The following GANC variants were observed in gnomAD, a reference collection of about 807,000 sequenced individuals.
GANC encodes glucosidase alpha, neutral C, also known as neutral alpha-glucosidase C.
A neutral mutation model predicts 124.2 loss-of-function variants in GANC; 117 were observed. The ratio of observed to expected loss-of-function variants is 0.94; its 90% CI spans 0.81 to 1.10. GANC has a LOEUF of 1.10. Ranked by LOEUF, GANC falls within the 50% of genes least tolerant of loss-of-function variation. The pLI is 0.00. For missense variants in GANC, 1,140 were observed against 1,095.0 expected (o/e 1.04, Z -0.58); for synonymous variants, 377 against 376.8 (o/e 1.00, Z -0.01).
intron 6 of GANC, among the ~76,000 whole-genome samples, chr15:42,298,133 A>G (rs1397184638): frequency 6.6e-6 from 1 of 152,190 alleles, no homozygotes; most frequent in African/African-American, 2.4e-5. Flanking sequence ...CACAAGTCAA[A>G]AAGTTGTATA....
chr15:42,338,286 T>A (rs1380403700), intron 15 of GANC, 103 bp from the exon 16 acceptor site: 9 of 638,622 alleles, frequency 1.4e-5, no homozygotes, highest in Non-Finnish European at 2.3e-5. Context: ...AGAAATTGGT[T>A]TTCCTTTTCA....
intron 21 of GANC, 26 bp downstream of exon 21, chr15:42,348,242 T>G (rs1475267694): frequency 7.0e-7 from 1 of 1,424,332 alleles, no homozygotes; most frequent in South Asian, 1.2e-5. Context: ...GTTACTCATT[T>G]TGTTTCTACT....
intron 4 of GANC, among the ~76,000 whole-genome samples, chr15:42,292,023 T>A (rs1291234341): frequency 6.6e-6 from 1 of 152,104 alleles, no homozygotes; most frequent in Non-Finnish European, 1.5e-5. Flanking sequence ...CTGTGAACAT[T>A]TACTGGGGAC....
chr15:42,321,561 T>A (rs2052157113), intron 10 of GANC, among the ~76,000 whole-genome samples: 1 of 152,248 alleles, frequency 6.6e-6, no homozygotes, highest in Non-Finnish European at 1.5e-5. Flanking sequence ...ACTAAACTGA[T>A]GCTTAACCTG....
At chr15:42,328,958 CA>C (rs2052218980) in intron 13 of GANC, among the ~76,000 whole-genome samples, 1 of 152,150 alleles carries the variant, frequency 6.6e-6, no homozygotes, top group African/African-American at 2.4e-5. Context: ...AGAAGGAGCC[CA>C]ATTGTGAACA....
intron 8 of GANC, among the ~76,000 whole-genome samples, chr15:42,309,209 G>A (rs7169553): frequency 0.92 from 140,002 of 152,252 alleles, 65,435 homozygotes; most frequent in Non-Finnish European, 1. Context: ...AGGCACAGTG[G>A]CAAGTCCAGC....
chr15:42,342,225 G>C (rs556324236), intron 18 of GANC, among the ~76,000 whole-genome samples: 2 of 152,314 alleles, frequency 1.3e-5, no homozygotes, highest in South Asian at 4.1e-4. Context: ...AAAGTAGTAA[G>C]TGGGTGAATT....
At chr15:42,318,884 A>G (rs12437815) in intron 10 of GANC, among the ~76,000 whole-genome samples, 138,549 of 152,224 alleles carry the variant, frequency 0.91, 64,400 homozygotes, top group Non-Finnish European at 1. Flanking sequence ...GTGAGCCACC[A>G]TGCCTGGCCC....
Position 42,329,293 on chromosome 15 carries a change from G to T in GANC, c.1501-13G>T. 2.5e-6 allele frequency: 4 copies of T among 1,608,196 alleles called. No homozygotes were observed. Among genetic ancestry groups the T allele is most frequent in the Non-Finnish European group, 3.4e-6 (4 of 1,177,744 alleles). On this transcript the variant is annotated splice_polypyrimidine_tract_variant and intron_variant, in intron 13 of 23. Coordinates refer to ENST00000318010, the MANE Select transcript of GANC (RefSeq NM_198141.3). Reference sequence around the variant, plus strand: ...TCAATGTAGGAGTGTCATGACCAAGGTTTACTTCCTAGGGATCTACGGACA... The same window carrying T: ...TCAATGTAGGAGTGTCATGACCAAGTTTTACTTCCTAGGGATCTACGGACA...
At chr15:42,298,971 A>G (rs1253531315) in intron 6 of GANC, among the ~76,000 whole-genome samples, 1 of 152,144 alleles carries the variant, frequency 6.6e-6, no homozygotes, top group Non-Finnish European at 1.5e-5. Flanking sequence ...GGCTGAGATG[A>G]TGGGGTTTTC....
intron 10 of GANC, among the ~76,000 whole-genome samples, chr15:42,315,691 T>C (rs758489007): frequency 6.6e-6 from 1 of 152,224 alleles, no homozygotes; most frequent in African/African-American, 2.4e-5. Context: ...TCTAGATGTC[T>C]CTGTGAAAGT....
At chr15:42,306,455 TA>T (rs1472242537) in intron 6 of GANC, 90 bp from the exon 7 acceptor site, 6 of 1,031,020 alleles carry the variant, frequency 5.8e-6, no homozygotes, top group South Asian at 4.6e-5. Context: ...CTCAGTCTTT[TA>T]AAAAAATAAT....
intron 4 of GANC, among the ~76,000 whole-genome samples, chr15:42,291,532 T>A (rs1473399410): frequency 1.3e-5 from 2 of 152,170 alleles, no homozygotes; most frequent in Non-Finnish European, 2.9e-5. Flanking sequence ...CCCCCTTCAC[T>A]GAGAAACTGA....
At chr15:42,350,022 CTTTTTT>C (rs753077889) in intron 22 of GANC, among the ~76,000 whole-genome samples, 14 of 75,040 alleles carry the variant, frequency 1.9e-4, no homozygotes, top group African/African-American at 4.0e-4. Flanking sequence ...CTTTCCCCCA[CTTTTTT>C]TTTTTTTTTT....
chr15:42,300,067 GATGAA>G (rs2051930950), intron 6 of GANC, among the ~76,000 whole-genome samples: 1 of 152,194 alleles, frequency 6.6e-6, no homozygotes, highest in Non-Finnish European at 1.5e-5. Context: ...AAGACTTCGT[GATGAA>G]AGCGCCAAAA....
Position 42,351,339 on chromosome 15 carries a change from C to T in GANC, c.2542C>T (p.Gln848Ter), listed in dbSNP as rs765787880. 1.2e-6 allele frequency: 2 copies of T among 1,613,536 alleles called. No individual in the cohort carries two copies. The highest frequency in any genetic ancestry group is 1.7e-6 in the Non-Finnish European group (2 of 1,179,574). ...TTGTATCTATTCCAGTTTTGCTGACCAGAGGGGTCATTATCCCAGCAAGTG... is the reference window on the plus strand; with the variant it reads ...TTGTATCTATTCCAGTTTTGCTGACTAGAGGGGTCATTATCCCAGCAAGTG... ...SSVLINSFAD[Q>*]RGHYPSKCVV... The change falls in exon 23 of 24, where the codon CAG becomes TAG. Residue 848 changes from glutamine to a stop codon, truncating the protein, a stop_gained. Transcript: ENST00000318010. LOFTEE classifies it high-confidence loss of function.
intron 14 of GANC, among the ~76,000 whole-genome samples, chr15:42,330,329 A>G (rs1457563305): frequency 6.6e-6 from 1 of 152,218 alleles, no homozygotes; most frequent in Non-Finnish European, 1.5e-5. Context: ...TAAGCACCAA[A>G]GAAATGCTAG....
chr15:42,274,634 G>A, intron 1 of GANC, 124 bp downstream of exon 1: 2 of 983,820 alleles, frequency 2.0e-6, no homozygotes, highest in African/African-American at 1.7e-5. Context: ...CTCTCAATTC[G>A]CGGGAAGTTA....
At chr15:42,313,979 A>AACAAC in intron 10 of GANC, 2 of 270,014 alleles carry the variant, frequency 7.4e-6, no homozygotes, top group South Asian at 5.4e-5. Flanking sequence ...ACAACAACAA[A>AACAAC]ATTAATGTAA....
Sources: allele counts gnomAD v4.1 joint callset (sites outside exome capture counted in the v4.1 genomes callset), GRCh38; gene constraint gnomAD v4.1.1; transcripts MANE v1.5; gene names NCBI Gene and HGNC (gene_info 2026-07-23, HGNC 2026-07-21).